RANBP2: variants seen among roughly 807,000 people sequenced by gnomAD.
RANBP2 encodes E3 SUMO-protein ligase RanBP2.
RANBP2 carries 57 observed loss-of-function variants against 303.6 expected under a neutral mutation model. That is an observed-to-expected ratio of 0.19 (90% CI 0.15 to 0.23). The LOEUF is 0.23. RANBP2 is among the 10% of genes least tolerant of loss of function. RANBP2 has a pLI of 1.00. For missense variants in RANBP2, 3,138 were observed against 3,780.8 expected (o/e 0.83, Z 4.46); for synonymous variants, 1,167 against 1,301.5 (o/e 0.90, Z 2.23).
chr2:109,597,950 C>T, the RANBP2 span, among the ~76,000 whole-genome samples: 2 of 152,198 alleles, frequency 1.3e-5, no homozygotes, highest in Non-Finnish European at 1.5e-5. Flanking sequence ...CCCTAGGTAA[C>T]AATTTTCCTT....
chr2:109,468,769 G>A, the RANBP2 span, among the ~76,000 whole-genome samples: 3 of 149,630 alleles, frequency 2.0e-5, no homozygotes, highest in Admixed American at 6.7e-5. Flanking sequence ...CAGGTTAATC[G>A]CTTGAGCCTG....
At chr2:108,924,498 C>A in the RANBP2 span, among the ~76,000 whole-genome samples, 1 of 152,204 alleles carries the variant, frequency 6.6e-6, no homozygotes, top group Non-Finnish European at 1.5e-5. Flanking sequence ...TTCCCTATTG[C>A]GATTCAAGAA....
At chr2:109,281,235 C>T in the RANBP2 span, among the ~76,000 whole-genome samples, 2 of 152,232 alleles carry the variant, frequency 1.3e-5, no homozygotes, top group Admixed American at 6.5e-5. Context: ...CTGGAGGGCA[C>T]ACTTAGGGGC....
the RANBP2 span, among the ~76,000 whole-genome samples, chr2:109,210,535 C>T: frequency 6.6e-6 from 1 of 152,166 alleles, no homozygotes; most frequent in Non-Finnish European, 1.5e-5. Flanking sequence ...TGAGATGGGA[C>T]ATCTGGGGCT....
At chr2:109,251,329 T>C in the RANBP2 span, 1 of 487,962 alleles carries the variant, frequency 2.0e-6, no homozygotes, top group South Asian at 1.8e-5. Flanking sequence ...AACAAAGAAT[T>C]AGAGAGATGC....
At chr2:109,688,242 G>A in the RANBP2 span, among the ~76,000 whole-genome samples, 1 of 152,196 alleles carries the variant, frequency 6.6e-6, no homozygotes, top group Non-Finnish European at 1.5e-5. Context: ...ATGGTGCCCT[G>A]TGGATGAGAT....
intron 1 of RANBP2, among the ~76,000 whole-genome samples, chr2:108,721,902 C>A (rs1217981342): frequency 6.6e-6 from 1 of 151,864 alleles, no homozygotes; most frequent in Admixed American, 6.6e-5. Context: ...CCACCATGCC[C>A]GGCTTTTTTC....
At chr2:109,723,981 C>G in the RANBP2 span, among the ~76,000 whole-genome samples, 3 of 152,164 alleles carry the variant, frequency 2.0e-5, no homozygotes, top group African/African-American at 7.2e-5. Context: ...CAATTTTCTG[C>G]TTATGGCTAG....
chr2:109,635,138 C>A, the RANBP2 span, among the ~76,000 whole-genome samples: 74 of 151,326 alleles, frequency 4.9e-4, no homozygotes, highest in African/African-American at 1.7e-3. Flanking sequence ...CAGTGTTCAG[C>A]AGAAGTGAAA....
the RANBP2 span, among the ~76,000 whole-genome samples, chr2:109,048,040 A>G: frequency 6.6e-6 from 1 of 152,216 alleles, no homozygotes; most frequent in Non-Finnish European, 1.5e-5. Context: ...GAGGACACGC[A>G]TCATCCCAAT....
the RANBP2 span, among the ~76,000 whole-genome samples, chr2:108,888,091 A>T: frequency 6.6e-6 from 1 of 152,056 alleles, no homozygotes; most frequent in South Asian, 2.1e-4. Context: ...TGAATTTTTT[A>T]AAATGCTTTT....
the RANBP2 span, among the ~76,000 whole-genome samples, chr2:108,903,723 T>C: frequency 6.6e-6 from 1 of 152,156 alleles, no homozygotes; most frequent in Non-Finnish European, 1.5e-5. Context: ...TTGACCCAAG[T>C]TTCATATCTT....
the RANBP2 span, chr2:108,884,536 T>C: frequency 6.6e-6 from 1 of 152,124 alleles, no homozygotes; most frequent in Non-Finnish European, 1.5e-5. Context: ...AGAGAAGAGA[T>C]CTTTGTTTTG....
At chr2:109,732,601 C>T in the RANBP2 span, 60 of 405,428 alleles carry the variant, frequency 1.5e-4, no homozygotes, top group African/African-American at 8.0e-4. Flanking sequence ...TTCAGCCTCT[C>T]GAGTAGCTGG....
chr2:109,307,766 T>C, the RANBP2 span, among the ~76,000 whole-genome samples: 5 of 149,200 alleles, frequency 3.4e-5, no homozygotes, highest in Middle Eastern at 3.2e-3. Context: ...TCATTTTTTA[T>C]GGCTGCATAG....
chr2:109,732,873 C>G, the RANBP2 span: 1 of 1,200,070 alleles, frequency 8.3e-7, no homozygotes, highest in Non-Finnish European at 1.2e-6. Flanking sequence ...CCCCGAGATG[C>G]AGCAGGTGTG....
At chr2:109,324,938 C>T in the RANBP2 span, among the ~76,000 whole-genome samples, 1 of 152,230 alleles carries the variant, frequency 6.6e-6, no homozygotes. Context: ...CATTCCTATA[C>T]AGTAATGACT....
chr2:109,527,205 A>G, the RANBP2 span, among the ~76,000 whole-genome samples: 901 of 152,302 alleles, frequency 5.9e-3, 1 homozygote, highest in Non-Finnish European at 0.011. Context: ...AGCTCAGCCA[A>G]AGTGCATCCA....
At chr2:108,833,998 G>A in the RANBP2 span, among the ~76,000 whole-genome samples, 2 of 144,812 alleles carry the variant, frequency 1.4e-5, no homozygotes, top group Non-Finnish European at 1.5e-5. Context: ...CGCCTGCCTC[G>A]GCCTCCCAAA....
Sources: gnomAD v4.1 joint callset for allele counts (sites outside exome capture counted in the v4.1 genomes callset) on GRCh38, gnomAD v4.1.1 for gene constraint, MANE v1.5 for transcripts, NCBI Gene and HGNC (gene_info 2026-07-23, HGNC 2026-07-21) for gene names.